GBP2: variants seen among roughly 807,000 people sequenced by gnomAD.
GBP2 encodes guanylate-binding protein 2.
Under a neutral mutation model 60.8 loss-of-function variants are expected in GBP2, and 54 were observed. The observed-to-expected ratio is 0.89, with a 90% CI of 0.71 to 1.11. The LOEUF (loss-of-function observed/expected upper bound fraction) is 1.11, where lower values mean the gene tolerates loss of function less well. Ranked by LOEUF, GBP2 falls within the 50% of genes most tolerant of loss-of-function variation. The pLI is 0.00. For synonymous variants in GBP2, 243 were observed against 256.5 expected (o/e 0.95, Z 0.50); for missense variants, 665 against 703.3 (o/e 0.95, Z 0.62).
At position 89,125,713 on chromosome 1, in the gene GBP2, T is replaced by C. The variant is rs550391692; in HGVS notation, c.-18+150A>G. On this transcript the variant is annotated intron_variant, in intron 1 of 10. Transcript: ENST00000370466. ...AGTTCACAGCAGGAGCAGAGAGCAC[T>C]AAGGAACCTGCAGCCACTTGATAGG... 5 of 152,328 alleles carry C rather than the reference T, an allele frequency of 3.3e-5. No individual in the cohort carries two copies. The East Asian group carries it at 9.7e-4, about 29-fold the overall frequency. 9.4% of individuals were successfully genotyped at this position (152,328 alleles called of 1,614,324 possible).
intron 7 of GBP2, 115 bp from the exon 8 acceptor site, chr1:89,112,799 A>T: frequency 1.4e-6 from 1 of 735,380 alleles, no homozygotes; most frequent in Non-Finnish European, 2.3e-6. Context: ...AAATAGGGCC[A>T]TGCTCCTCAC....
chr1:89,110,730 G>C (rs1218576450), intron 8 of GBP2, among the ~76,000 whole-genome samples: 3 of 152,078 alleles, frequency 2.0e-5, no homozygotes, highest in Non-Finnish European at 4.4e-5. Flanking sequence ...AAAGGAGAGG[G>C]GGCAAGGGAT....
intron 6 of GBP2, among the ~76,000 whole-genome samples, chr1:89,116,268 C>T (rs188044156): frequency 6.5e-4 from 99 of 152,256 alleles, no homozygotes; most frequent in Non-Finnish European, 2.6e-4. Flanking sequence ...CCCACCTCAG[C>T]CCCCCAAAGT....
Position 89,123,495 on chromosome 1 carries a change from A to C in GBP2, c.-17-1512T>G, listed in dbSNP as rs528646270. Among the ~76,000 whole-genome samples, 48 of 152,324 alleles carry C rather than the reference A, an allele frequency of 3.2e-4. 1 individual carries two copies. The South Asian group carries it at 8.5e-3, about 27-fold the overall frequency. ...CTCTGAGTGTGTCATTATACATAAT[A>C]AATTTAGTTATTTGCTCAATTCTAG... On this transcript the variant is annotated intron_variant, in intron 1 of 10. Transcript: ENST00000370466.
chr1:89,117,223 T>C lies in GBP2; in HGVS notation c.637A>G (p.Lys213Glu). 1.9e-6 allele frequency: 3 copies of C among 1,613,236 alleles called. No individual in the cohort carries two copies. The highest frequency in any genetic ancestry group is 2.5e-6 in the Non-Finnish European group (3 of 1,179,194). ...CGAGGATCATTAAAGCTTTTACTTT[T>C]CTTATCAGTACCTACAGGAATGAAA... ...SLKLRKGTDK[K>E]SKSFNDPRLC... Residue 213 changes from lysine (K) to glutamate (E), a missense_variant, in exon 6 of 11, where the codon AAA becomes GAA. Transcript: ENST00000370466.
In GBP2 at chr1:89,109,911, A is replaced by T. The variant is rs1255576226; in HGVS notation, c.1466-41T>A. ...AAGCAGAAAAAGATATGAATATTCAATTGTAGGTGTTCCCTTTTCCTTTCC... is the reference window on the plus strand; with the variant it reads ...AAGCAGAAAAAGATATGAATATTCATTTGTAGGTGTTCCCTTTTCCTTTCC... On this transcript the variant is annotated intron_variant, in intron 9 of 10. Transcript: ENST00000370466. 16 of 1,533,714 alleles carry T rather than the reference A, an allele frequency of 1.0e-5. No individual in the cohort carries two copies. In the East Asian group the frequency reaches 3.6e-4, roughly 35 times the overall value.
chr1:89,120,068 G>C (rs772494367), intron 4 of GBP2, 111 bp downstream of exon 4: 3 of 714,330 alleles, frequency 4.2e-6, no homozygotes, highest in Non-Finnish European at 7.4e-6. Flanking sequence ...ATTTATTAAA[G>C]AGAGGACTTA....
At chr1:89,115,226 G>A (rs1681245127) in intron 6 of GBP2, among the ~76,000 whole-genome samples, 1 of 151,982 alleles carries the variant, frequency 6.6e-6, no homozygotes, top group African/African-American at 2.4e-5. Flanking sequence ...TCTATCAACA[G>A]GCCTTTTAGA....
Position 89,120,168 on chromosome 1 carries a change from A to G in GBP2, c.428+11T>C, listed in dbSNP as rs752197744. ...AGGTTTACTGCTGTTCTGGACCACA[A>G]AAAAGGATACTGAAGTTGGTCCATG... On this transcript the variant is annotated intron_variant, in intron 4 of 10. Coordinates refer to ENST00000370466, the MANE Select transcript of GBP2 (RefSeq NM_004120.5). 1 of 1,601,988 alleles carries G rather than the reference A, an allele frequency of 6.2e-7. No individual in the cohort carries two copies. The highest frequency in any genetic ancestry group is 8.6e-7 in the Non-Finnish European group (1 of 1,169,152).
rs1455112947 is a variant in GBP2, at chr1:89,121,867, T to C, written c.100A>G (p.Ile34Val). ...GCCACCACCACCACAGGCTGCGTAA[T>C]TGCAGATAGGATCTTCAGAGCTTCT... ...NPEALKILSA[I>V]TQPVVVVAIV... Residue 34 changes from isoleucine (I) to valine (V), a missense_variant, in exon 2 of 11, where the codon ATT becomes GTT. Coordinates refer to ENST00000370466, the MANE Select transcript of GBP2 (RefSeq NM_004120.5). 2.5e-6 allele frequency: 4 copies of C among 1,614,010 alleles called. No individual in the cohort carries two copies. The African/African-American group carries it at 4.0e-5, about 16-fold the overall frequency.
At chr1:89,116,373 A>T (rs1681273095) in intron 6 of GBP2, among the ~76,000 whole-genome samples, 1 of 152,068 alleles carries the variant, frequency 6.6e-6, no homozygotes, top group African/African-American at 2.4e-5. Flanking sequence ...GCATTCTCTC[A>T]CACTCTAAAT....
chr1:89,122,759 G>A (rs1681427680), intron 1 of GBP2, among the ~76,000 whole-genome samples: 1 of 152,116 alleles, frequency 6.6e-6, no homozygotes, highest in African/African-American at 2.4e-5. Flanking sequence ...TGAAGACTAT[G>A]CAAATAAAGA....
Position 89,106,774 on chromosome 1 carries a change from TG to T in GBP2, c.*1400del. 1 of 152,186 alleles carries T rather than the reference TG, an allele frequency of 6.6e-6. No individual in the cohort carries two copies. The highest frequency in any genetic ancestry group is 6.5e-5 in the Admixed American group (1 of 15,300). 9.4% of individuals were successfully genotyped at this position (152,186 alleles called of 1,614,324 possible). ...ATGATTTAGATTCTTCCCTGCAGAT[TG>T]ACTTTTGTGAGGCTTAGCTGGAGAT... On this transcript the variant is annotated 3_prime_UTR_variant, in exon 11 of 11. Coordinates refer to ENST00000370466, the MANE Select transcript of GBP2 (RefSeq NM_004120.5).
At position 89,117,031 on chromosome 1, in the gene GBP2, C is replaced by T; in HGVS notation, c.829G>A (p.Val277Ile). 1 of 1,614,042 alleles carries T rather than the reference C, an allele frequency of 6.2e-7. No homozygotes were observed. Among genetic ancestry groups the T allele is most frequent in the Non-Finnish European group, 8.5e-7 (1 of 1,179,964 alleles). Reference sequence around the variant, plus strand: ...GGAATGCCACCTGAAAGAGTCTTGACATTGGAATGGCTGAGGATGTAGGAA... The same window carrying T: ...GGAATGCCACCTGAAAGAGTCTTGATATTGGAATGGCTGAGGATGTAGGAA... ...FCSYILSHSN[V>I]KTLSGGIPVN... is the part of the protein sequence containing the mutation. Residue 277 changes from valine (V) to isoleucine (I), a missense_variant, in exon 6 of 11, where the codon GTC becomes ATC. By Grantham distance (29) the Val-to-Ile change is conservative (BLOSUM62 3). Coordinates refer to ENST00000370466, the MANE Select transcript of GBP2 (RefSeq NM_004120.5).
chr1:89,108,981 C>T (rs552486842), intron 10 of GBP2, among the ~76,000 whole-genome samples: 127 of 151,710 alleles, frequency 8.4e-4, no homozygotes, highest in African/African-American at 3.0e-3. Flanking sequence ...CTGCAACCCC[C>T]GCCTCCCAGG....
chr1:89,120,195 C>T lies in GBP2; in HGVS notation c.412G>A (p.Ala138Thr), dbSNP rs138509928. Residue 138 changes from alanine to threonine, a missense_variant, in exon 4 of 11, where the codon GCC (alanine) becomes ACC (threonine). Transcript: ENST00000370466. ...AAAGGATACTGAAGTTGGTCCATGG[C>T]CTGCTGGTTGATGGTTCCCATGCTA... ...YNSMGTINQQ[A>T]MDQLHYVTEL... 2,490 of 1,613,814 alleles carry T rather than the reference C, an allele frequency of 1.5e-3. 12 individuals are homozygous for T. The highest frequency in any genetic ancestry group is 1.5e-3 in the Middle Eastern group (9 of 6,060).
intron 7 of GBP2, 99 bp from the exon 8 acceptor site, chr1:89,112,783 C>A (rs1681192074): frequency 6.5e-6 from 6 of 917,410 alleles, no homozygotes; most frequent in South Asian, 3.0e-5. Context: ...GAAATTGTGG[C>A]CCTCTAAATA....
Position 89,112,625 on chromosome 1 carries a change from A to C in GBP2, c.1209T>G (p.Asp403Glu). The part of the protein sequence containing the change: ...FCKQNSKASS[D>E]CCMALLQDIF... ...TATCCTGAAGTAAAGCCATGCAACA[A>C]TCTGATGATGCTTTGGAATTCTGCT... is the stretch of plus-strand genomic sequence containing the variant. The change falls in exon 8 of 11, where the codon GAT (aspartate) becomes GAG (glutamate). Residue 403 changes from aspartate (D) to glutamate (E), a missense_variant. Transcript: ENST00000370466. 1 of 1,614,212 alleles carries C rather than the reference A, an allele frequency of 6.2e-7. No homozygotes were observed. Among genetic ancestry groups the C allele is most frequent in the South Asian group, 1.1e-5 (1 of 91,082 alleles).
At position 89,117,844 on chromosome 1, in the gene GBP2, T is replaced by G. The variant is rs1681311677; in HGVS notation, c.429-71A>C. On this transcript the variant is annotated intron_variant, in intron 4 of 10. Coordinates refer to ENST00000370466, the MANE Select transcript of GBP2 (RefSeq NM_004120.5). Reference sequence around the variant, plus strand: ...ACTACATTTTATCCTAATGCTTACCTAAAATAATTTGGTTTCTTTTTATTA... The same window carrying G: ...ACTACATTTTATCCTAATGCTTACCGAAAATAATTTGGTTTCTTTTTATTA... The G allele has an allele frequency of 2.4e-6, 3 of 1,237,134 alleles. No individual in the cohort carries two copies. The East Asian group carries it at 7.5e-5, about 31-fold the overall frequency. The allele number at this position is 1,237,134 out of a possible 1,614,324, so 76.6% of individuals were successfully genotyped here. A position where few individuals can be genotyped will look rare whatever the true frequency, so the allele number is the denominator to read the frequency against.
Sources: allele counts gnomAD v4.1 joint callset (sites outside exome capture counted in the v4.1 genomes callset), GRCh38; gene constraint gnomAD v4.1.1; transcripts MANE v1.5; gene names NCBI Gene and HGNC (gene_info 2026-07-23, HGNC 2026-07-21).